PRKN: variants seen among roughly 807,000 people sequenced by gnomAD.
The protein encoded by PRKN is E3 ubiquitin-protein ligase parkin.
A neutral mutation model predicts 59.5 loss-of-function variants in PRKN; 56 were observed. That is an observed-to-expected ratio of 0.94 (90% CI 0.76 to 1.18). The LOEUF (loss-of-function observed/expected upper bound fraction) is 1.18. Among genes scored for constraint, PRKN ranks in the 50% most tolerant of loss-of-function variants. PRKN has a pLI of 0.00. For missense variants in PRKN, 657 were observed against 596.4 expected, an observed-to-expected ratio of 1.10 and a Z score of -1.06; for synonymous variants, 250 against 222.1, an observed-to-expected ratio of 1.13 and a Z score of -1.12.
intron 1 of PRKN, among the ~76,000 whole-genome samples, chr6:162,653,984 C>G (rs1191821943): frequency 6.6e-6 from 1 of 152,134 alleles, no homozygotes; most frequent in Admixed American, 6.6e-5. Context: ...CACTGGCACT[C>G]TTTTTGAAGG....
At chr6:162,441,578 A>G (rs1198602437) in intron 2 of PRKN, among the ~76,000 whole-genome samples, 1 of 152,186 alleles carries the variant, frequency 6.6e-6, no homozygotes, top group Non-Finnish European at 1.5e-5. Context: ...ACAACATGAA[A>G]TTGTTGAACC....
At chr6:162,597,886 T>C (rs562719042) in intron 1 of PRKN, among the ~76,000 whole-genome samples, 3 of 152,310 alleles carry the variant, frequency 2.0e-5, no homozygotes, top group South Asian at 2.1e-4. Context: ...TCCTAGATAA[T>C]GACTAGTATT....
intron 9 of PRKN, among the ~76,000 whole-genome samples, chr6:161,452,776 G>A (rs566936292): frequency 8.4e-4 from 128 of 152,166 alleles, no homozygotes; most frequent in Non-Finnish European, 1.3e-3. Flanking sequence ...GTTCCATGGA[G>A]CCCTATTTAT....
intron 1 of PRKN, among the ~76,000 whole-genome samples, chr6:162,716,757 T>TGCGC (rs1474758050): frequency 2.7e-5 from 4 of 146,424 alleles, no homozygotes; most frequent in South Asian, 2.1e-4. Flanking sequence ...CCTACCCGCC[T>TGCGC]GCGCGCGCGC....
chr6:162,025,693 A>G (rs1462778429), intron 5 of PRKN, among the ~76,000 whole-genome samples: 2 of 146,038 alleles, frequency 1.4e-5, no homozygotes, highest in South Asian at 4.3e-4. Context: ...GGTTCAAGCG[A>G]TTCTTCTGCC....
intron 9 of PRKN, among the ~76,000 whole-genome samples, chr6:161,415,592 G>GCCA (rs1562432936): frequency 5.5e-5 from 2 of 36,252 alleles, no homozygotes; most frequent in South Asian, 1.0e-3. Flanking sequence ...AGGAAATGTC[G>GCCA]CCCCCCCCCC....
Position 162,339,339 on chromosome 6 carries a change from T to TG in PRKN, c.172-76575dup, listed in dbSNP as rs1324284435. ...CCAGCCGCGCCGTCTGGGAGGGAGG[T>TG]GGGGGGGTCAGCCCCCGCCCGGCCA... On this transcript the variant is annotated intron_variant, in intron 2 of 11. Coordinates refer to ENST00000366898, the MANE Select transcript of PRKN (RefSeq NM_004562.3). Among the ~76,000 whole-genome samples the TG allele has an allele frequency of 8.2e-5, 6 of 72,800 alleles. No homozygotes were observed. The South Asian group carries it at 1.7e-3, about 20-fold the overall frequency. 47.8% of individuals were successfully genotyped at this position (72,800 alleles called of 152,430 possible). A position where few individuals can be genotyped will look rare whatever the true frequency, so the allele number is the denominator to read the frequency against.
chr6:162,105,651 T>A (rs1408392850), intron 4 of PRKN, among the ~76,000 whole-genome samples: 23 of 152,170 alleles, frequency 1.5e-4, no homozygotes, highest in Admixed American at 1.2e-3. Flanking sequence ...CCACCTGCCT[T>A]GGTCTCCCAA....
chr6:162,054,503 C>G (rs1777778948), intron 4 of PRKN, among the ~76,000 whole-genome samples: 2 of 152,152 alleles, frequency 1.3e-5, no homozygotes, highest in Admixed American at 1.3e-4. Flanking sequence ...TGTGTCTGCC[C>G]TTTCAGGCTT....
At chr6:161,925,109 G>A (rs975858461) in intron 6 of PRKN, among the ~76,000 whole-genome samples, 1 of 152,060 alleles carries the variant, frequency 6.6e-6, no homozygotes, top group African/African-American at 2.4e-5. Flanking sequence ...ATGCTTTACA[G>A]GCTTATGAAT....
At chr6:161,441,789 G>A (rs1196294876) in intron 9 of PRKN, among the ~76,000 whole-genome samples, 1 of 152,198 alleles carries the variant, frequency 6.6e-6, no homozygotes, top group African/African-American at 2.4e-5. Context: ...TCCCAGGAAG[G>A]GCCAAGGCTG....
chr6:161,729,273 A>G (rs1323582026), intron 7 of PRKN, among the ~76,000 whole-genome samples: 2 of 152,232 alleles, frequency 1.3e-5, no homozygotes, highest in African/African-American at 4.8e-5. Context: ...TAACACTAAA[A>G]GGACACCAAG....
Position 161,454,992 on chromosome 6 carries a change from C to T in PRKN, c.1084-68115G>A, listed in dbSNP as rs979693507. On this transcript the variant is annotated intron_variant, in intron 9 of 11. Transcript: ENST00000366898. This position sits in a 1 kb window ranked among gnomAD's most constrained non-coding sequence, Gnocchi z 4.6. ...TCATATCCTGTCTCTCCTATTAGAA[C>T]ATAGACTTCTTGAGACGATGGACTG... 2.0e-5 allele frequency among the ~76,000 whole-genome samples: 3 copies of T among 151,782 alleles called. No individual in the cohort carries two copies. Among genetic ancestry groups the T allele is most frequent in the Admixed American group, 6.6e-5 (1 of 15,254 alleles).
At position 162,417,683 on chromosome 6, in the gene PRKN, T is replaced by C. The variant is rs138066858; in HGVS notation, c.171+25627A>G. ...AGCAGGGAACCTCCCTGTGCCCGAC[T>C]GTGTAACAACACTTCTCCCAGATAA... On this transcript the variant is annotated intron_variant, in intron 2 of 11. Transcript: ENST00000366898. Among the ~76,000 whole-genome samples the C allele has an allele frequency of 2.0e-5, 3 of 152,340 alleles. No homozygotes were observed. In the East Asian group the frequency reaches 5.8e-4, roughly 29 times the overall value.
In PRKN at chr6:162,326,055, GAA is replaced by G. The variant is rs575844244; in HGVS notation, c.172-63292_172-63291del. Among the ~76,000 whole-genome samples, 561 of 152,192 alleles carry G rather than the reference GAA, an allele frequency of 3.7e-3. 2 individuals carry two copies. The highest frequency in any genetic ancestry group is 0.013 in the African/African-American group (541 of 41,508). On this transcript the variant is annotated intron_variant, in intron 2 of 11. Transcript: ENST00000366898. Reference sequence around the variant, plus strand: ...AGTCCAAATTCCTTTACTGCAGGATGAATAACTTGTAAAATCCTAACATTCAC... The same window carrying G: ...AGTCCAAATTCCTTTACTGCAGGATGTAACTTGTAAAATCCTAACATTCAC...
At chr6:162,634,325 ACCCTTAAAAAATGGAAAAC>A (rs1175569061) in intron 1 of PRKN, among the ~76,000 whole-genome samples, 1 of 151,230 alleles carries the variant, frequency 6.6e-6, no homozygotes, top group African/African-American at 2.4e-5. Flanking sequence ...TTCCTTCCCC[ACCCTTAAAAAATGGAAAAC>A]CCAGGCCAGG....
At chr6:162,320,057 T>A (rs1209175682) in intron 2 of PRKN, among the ~76,000 whole-genome samples, 2 of 151,830 alleles carry the variant, frequency 1.3e-5, no homozygotes, top group Non-Finnish European at 2.9e-5. Context: ...AGTGAAAAAA[T>A]GAGCTATTTG....
chr6:162,527,544 G>C (rs983390795), intron 1 of PRKN, among the ~76,000 whole-genome samples: 2 of 152,122 alleles, frequency 1.3e-5, no homozygotes, highest in Non-Finnish European at 2.9e-5. Context: ...TCAGCATATA[G>C]GTTTCTAGGT....
intron 7 of PRKN, among the ~76,000 whole-genome samples, chr6:161,685,268 C>A (rs1359055502): frequency 6.6e-6 from 1 of 152,174 alleles, no homozygotes; most frequent in Admixed American, 6.5e-5. Context: ...TCTCATCGGC[C>A]ACAAACGTTC....
Sources: allele counts gnomAD v4.1 joint callset (sites outside exome capture counted in the v4.1 genomes callset), GRCh38; gene constraint gnomAD v4.1.1; non-coding constraint Gnocchi (gnomAD v3.1); transcripts MANE v1.5; gene names NCBI Gene and HGNC (gene_info 2026-07-23, HGNC 2026-07-21).